Variants in CDH13 observed in about 807,000 individuals in gnomAD.
CDH13 encodes the protein cadherin-13.
CDH13 carries 24 observed loss-of-function variants against 63.8 expected under a neutral mutation model. The observed-to-expected ratio is 0.38, with a 90% CI of 0.27 to 0.53. The LOEUF (loss-of-function observed/expected upper bound fraction) is 0.53. Ranked by LOEUF, CDH13 falls within the 20% of genes least tolerant of loss-of-function variation. The pLI is 0.85. For missense variants in CDH13, 1,049 were observed against 903.1 expected (o/e 1.16, Z -2.07); for synonymous variants, 503 against 355.3 (o/e 1.42, Z -4.67).
chr16:82,862,054 C>A (rs932920146), intron 2 of CDH13, among the ~76,000 whole-genome samples: 1 of 152,202 alleles, frequency 6.6e-6, no homozygotes, highest in African/African-American at 2.4e-5. Context: ...CATTTAAGGT[C>A]TTTGAATTCT....
At chr16:83,635,135 C>T (rs948442358) in intron 8 of CDH13, among the ~76,000 whole-genome samples, 4 of 152,014 alleles carry the variant, frequency 2.6e-5, no homozygotes, top group Non-Finnish European at 4.4e-5. Context: ...GTAATAGCTG[C>T]TCTCTGGTTT....
At chr16:82,875,553 G>A (rs1355623694) in intron 2 of CDH13, among the ~76,000 whole-genome samples, 6 of 152,242 alleles carry the variant, frequency 3.9e-5, no homozygotes, top group Middle Eastern at 3.4e-3. Context: ...AGTGAATGAC[G>A]ATATTTGTTT....
rs1018631162 is a variant in CDH13, at chr16:83,447,903, C to T, written c.782-38574C>T. 2.6e-5 allele frequency among the ~76,000 whole-genome samples: 4 copies of T among 152,108 alleles called. No individual in the cohort carries two copies. In the South Asian group the frequency reaches 6.2e-4, roughly 24 times the overall value. ...CAAGTAGCCCTTGATGTGATTCACT[C>T]TGTGGTCTGCAGAAGTTGCCCCACC... On this transcript the variant is annotated intron_variant, in intron 6 of 13. Coordinates refer to ENST00000567109, the MANE Select transcript of CDH13 (RefSeq NM_001257.5).
intron 4 of CDH13, among the ~76,000 whole-genome samples, chr16:83,131,290 T>C (rs2036041166): frequency 1.3e-5 from 2 of 148,830 alleles, no homozygotes; most frequent in African/African-American, 2.5e-5. Flanking sequence ...CTCTTTTCCA[T>C]GGTGCATTCT....
intron 13 of CDH13, among the ~76,000 whole-genome samples, chr16:83,794,626 C>CATATATATATATATATATATATATATAT (rs34550866): frequency 2.0e-4 from 30 of 149,190 alleles, no homozygotes; most frequent in African/African-American, 7.1e-4. Flanking sequence ...CTTAAGTCAA[C>CATATATATATATATATATATATATATAT]ATATATATAT....
intron 2 of CDH13, among the ~76,000 whole-genome samples, chr16:82,940,202 A>G (rs1365162606): frequency 1.3e-5 from 2 of 152,154 alleles, no homozygotes; most frequent in African/African-American, 4.8e-5. Flanking sequence ...CAGTAGGTCA[A>G]ATGCAAAGCC....
At chr16:83,040,607 G>A (rs1917247481) in intron 3 of CDH13, among the ~76,000 whole-genome samples, 1 of 152,150 alleles carries the variant, frequency 6.6e-6, no homozygotes, top group Non-Finnish European at 1.5e-5. Context: ...TTTTATGCTG[G>A]CAGCTGATTA....
chr16:82,632,707 TGGGGGG>T (rs1908161288), intron 1 of CDH13, among the ~76,000 whole-genome samples: 1 of 71,242 alleles, frequency 1.4e-5, no homozygotes, highest in Non-Finnish European at 5.0e-5. Context: ...GGACTAGAAT[TGGGGGG>T]ATGGTTTTGG....
intron 4 of CDH13, among the ~76,000 whole-genome samples, chr16:83,192,254 G>A (rs992619500): frequency 6.6e-6 from 1 of 152,108 alleles, no homozygotes; most frequent in South Asian, 2.1e-4. Flanking sequence ...CACTGTACTT[G>A]ACCTTCATGC....
intron 5 of CDH13, among the ~76,000 whole-genome samples, chr16:83,226,865 A>C (rs369442634): frequency 2.0e-5 from 3 of 152,148 alleles, no homozygotes; most frequent in African/African-American, 7.2e-5. Flanking sequence ...GGGACCATCC[A>C]TTCCAGCTCC....
chr16:82,973,740 G>C (rs1490789302), intron 2 of CDH13, among the ~76,000 whole-genome samples: 1 of 152,176 alleles, frequency 6.6e-6, no homozygotes, highest in African/African-American at 2.4e-5. Flanking sequence ...TCTATCCCAT[G>C]ACATTTCCTT....
At chr16:82,804,906 A>T (rs1329203370) in intron 1 of CDH13, among the ~76,000 whole-genome samples, 1 of 152,166 alleles carries the variant, frequency 6.6e-6, no homozygotes, top group African/African-American at 2.4e-5. Context: ...TTTGTTTTTC[A>T]CCTTATCTAA....
chr16:82,863,191 C>G (rs544822087), intron 2 of CDH13, among the ~76,000 whole-genome samples: 4 of 152,296 alleles, frequency 2.6e-5, no homozygotes, highest in South Asian at 4.2e-4. Flanking sequence ...AAGGAGCCAG[C>G]TGTCTTGGAG....
chr16:83,363,614 T>C (rs1372236912), intron 6 of CDH13, among the ~76,000 whole-genome samples: 1 of 152,192 alleles, frequency 6.6e-6, no homozygotes, highest in Non-Finnish European at 1.5e-5. Flanking sequence ...CTGGCTTCTT[T>C]ACTGGCAGAA....
intron 6 of CDH13, among the ~76,000 whole-genome samples, chr16:83,371,079 T>G (rs941703797): frequency 1.3e-5 from 2 of 152,246 alleles, no homozygotes; most frequent in African/African-American, 4.8e-5. Flanking sequence ...ATTTTTACAC[T>G]GCTAGTGGGA....
At chr16:83,606,470 G>A (rs559937377) in intron 8 of CDH13, among the ~76,000 whole-genome samples, 1 of 152,234 alleles carries the variant, frequency 6.6e-6, no homozygotes, top group Non-Finnish European at 1.5e-5. Flanking sequence ...GGGAGTGGTG[G>A]CTCGTGTCTG....
chr16:82,649,802 G>A (rs576683379), intron 1 of CDH13, among the ~76,000 whole-genome samples: 2 of 152,314 alleles, frequency 1.3e-5, no homozygotes, highest in East Asian at 3.9e-4. Context: ...TCTCAACTCC[G>A]CTGCCCTGTA....
At chr16:83,234,500 C>T (rs1411909530) in intron 5 of CDH13, among the ~76,000 whole-genome samples, 1 of 152,112 alleles carries the variant, frequency 6.6e-6, no homozygotes, top group Admixed American at 6.5e-5. Context: ...GAGGTTGGAC[C>T]TAGGCAGCTC....
At chr16:83,070,470 G>A (rs1271198969) in intron 3 of CDH13, among the ~76,000 whole-genome samples, 1 of 152,118 alleles carries the variant, frequency 6.6e-6, no homozygotes, top group Non-Finnish European at 1.5e-5. Flanking sequence ...ACGGAAATGA[G>A]TGTTTTACTG....
Sources: gnomAD v4.1 joint callset for allele counts (sites outside exome capture counted in the v4.1 genomes callset) on GRCh38, gnomAD v4.1.1 for gene constraint, MANE v1.5 for transcripts, NCBI Gene and HGNC (gene_info 2026-07-23, HGNC 2026-07-21) for gene names.